Variants in APEX2 observed in about 807,000 individuals in gnomAD.
APEX2 encodes DNA-(apurinic or apyrimidinic site) endonuclease 2.
A neutral mutation model predicts 16.7 loss-of-function variants in APEX2; 4 were observed. The ratio of observed to expected loss-of-function variants is 0.24; its 90% CI spans 0.12 to 0.55. The LOEUF (loss-of-function observed/expected upper bound fraction) is 0.55. APEX2 is among the 20% of genes least tolerant of loss of function. APEX2 has a pLI of 0.94. For missense variants in APEX2, 357 were observed against 433.6 expected, an observed-to-expected ratio of 0.82 and a Z score of 1.57; for synonymous variants, 181 against 166.9, an observed-to-expected ratio of 1.08 and a Z score of -0.65.
chrX:55,006,294 A>G (rs1035918048), intron 5 of APEX2, among the ~76,000 whole-genome samples: 6 of 111,340 alleles, frequency 5.4e-5, no homozygotes, highest in African/African-American at 2.0e-4. Flanking sequence ...AGACAAATGC[A>G]AGCTCGTGCA....
intron 1 of APEX2, among the ~76,000 whole-genome samples, chrX:55,001,153 CA>C (rs1175520606): frequency 2.8e-5 from 3 of 108,993 alleles, no homozygotes; most frequent in African/African-American, 1.0e-4. Flanking sequence ...CCTCCACCCC[CA>C]GTTCAGATCC....
chrX:55,004,307 G>C (rs1002478846), intron 5 of APEX2, among the ~76,000 whole-genome samples: 4 of 112,792 alleles, frequency 3.5e-5, no homozygotes, highest in Admixed American at 1.9e-4. Flanking sequence ...GAGCTTTGAA[G>C]TAGAAAGCAT....
chrX:55,002,100 A>T, intron 2 of APEX2, 151 bp from the exon 3 acceptor site: 1 of 512,798 alleles, frequency 2.0e-6, no homozygotes, highest in Non-Finnish European at 3.1e-6. Flanking sequence ...AGATGTAGGA[A>T]CTGAGACTCC....
chrX:55,001,548 G>T lies in APEX2; in HGVS notation c.160G>T (p.Asp54Tyr). The T allele has an allele frequency of 8.3e-7, 1 of 1,199,197 alleles. No homozygotes were observed. The highest frequency in any genetic ancestry group is 1.1e-6 in the Non-Finnish European group (1 of 889,223). Residue 54 changes from aspartate (D) to tyrosine (Y), a missense_variant and splice_region_variant, in exon 2 of 6, where the codon GAT (aspartate) becomes TAT (tyrosine). By Grantham distance (160) the Asp-to-Tyr change is radical. Transcript: ENST00000374987. ...VCLQETKVTR[D>Y]ALTEPLAIVE... is the part of the protein sequence containing the mutation. Reference sequence around the variant, plus strand: ...AATCTTACATTTTTTTTTTCCAGGGGATGCACTGACAGAGCCCCTGGCTAT... The same window carrying T: ...AATCTTACATTTTTTTTTTCCAGGGTATGCACTGACAGAGCCCCTGGCTAT...
At position 55,007,655 on chromosome X, in the gene APEX2, C is replaced by A; in HGVS notation, c.*220C>A. The A allele has an allele frequency of 8.6e-6, 3 of 348,032 alleles. No individual in the cohort carries two copies. In the East Asian group the frequency reaches 1.3e-4, roughly 15 times the overall value. 28.7% of individuals were successfully genotyped at this position (348,032 alleles called of 1,213,427 possible). A position where few individuals can be genotyped will look rare whatever the true frequency, so the allele number is the denominator to read the frequency against. ...CCCAGCCCCTTACACCACTTTCCAC[C>A]TTCCTGTCCGAAGTACACGGACACT... is the stretch of plus-strand genomic sequence containing the variant. On this transcript the variant is annotated 3_prime_UTR_variant, in exon 6 of 6. Coordinates refer to ENST00000374987, the MANE Select transcript of APEX2 (RefSeq NM_014481.4).
At chrX:55,002,131 C>G in intron 2 of APEX2, 120 bp from the exon 3 acceptor site, 2 of 753,552 alleles carry the variant, frequency 2.7e-6, no homozygotes, top group South Asian at 6.9e-5. Context: ...TAAGGTTGCC[C>G]AAGAACCACA....
chrX:55,009,023 T>G lies in APEX2; in HGVS notation c.*1588T>G. On this transcript the variant is annotated 3_prime_UTR_variant, in exon 6 of 6. Transcript: ENST00000374987. ...TTGTCTGAGGGAGTCAGAATGCACT[T>G]GTCTGTTCCCTGTCCAATAAAAGGC... 1 of 696,412 alleles carries G rather than the reference T, an allele frequency of 1.4e-6. No homozygotes were observed. Among genetic ancestry groups the G allele is most frequent in the Non-Finnish European group, 2.1e-6 (1 of 466,784 alleles). 57.4% of individuals were successfully genotyped at this position (696,412 alleles called of 1,213,427 possible).
chrX:55,005,462 C>T (rs776396026), intron 5 of APEX2, among the ~76,000 whole-genome samples: 45 of 112,077 alleles, frequency 4.0e-4, no homozygotes, highest in Non-Finnish European at 6.0e-4. Context: ...TTAGTCTTGT[C>T]ATTTCTGTAA....
chrX:55,002,458 G>A (rs375372430), intron 3 of APEX2, 27 bp downstream of exon 3: 234 of 1,151,614 alleles, frequency 2.0e-4, no homozygotes, highest in Non-Finnish European at 2.6e-4. Flanking sequence ...CCCTGCTACT[G>A]AGCACTGCTG....
At position 55,000,487 on chromosome X, in the gene APEX2, A is replaced by T; in HGVS notation, c.65A>T (p.Gln22Leu). The change falls in exon 1 of 6, where the codon CAG becomes CTG. Residue 22 changes from glutamine to leucine, a missense_variant. Coordinates refer to ENST00000374987, the MANE Select transcript of APEX2 (RefSeq NM_014481.4). ...AGACCCCTGCAAGGGGTGGCAAATC[A>T]GGAACCCAGCAACTGTGCCGCCGTG... ...IRRPLQGVAN[Q>L]EPSNCAAVAV... The T allele has an allele frequency of 8.3e-7, 1 of 1,207,478 alleles. No individual in the cohort carries two copies. Among genetic ancestry groups the T allele is most frequent in the Non-Finnish European group, 1.1e-6 (1 of 893,198 alleles).
chrX:55,006,971 G>T lies in APEX2; in HGVS notation c.1093G>T (p.Val365Leu), dbSNP rs750947056. 3 of 1,211,749 alleles carry T rather than the reference G, an allele frequency of 2.5e-6. No homozygotes were observed. Among genetic ancestry groups the T allele is most frequent in the Non-Finnish European group, 3.4e-6 (3 of 895,491 alleles). The change falls in exon 6 of 6, where the codon GTA (valine) becomes TTA (leucine). Residue 365 changes from valine (V) to leucine (L), a missense_variant. Val to Leu is a conservative substitution (Grantham distance 32). Transcript: ENST00000374987. ...GCTGCAGCACAACAATCAAACCCGGGTACAGACATGCCAAAACAAAGCCCA... is the reference window on the plus strand; with the variant it reads ...GCTGCAGCACAACAATCAAACCCGGTTACAGACATGCCAAAACAAAGCCCA... Reference protein sequence around the residue: ...STLQHNNQTRVQTCQNKAQVR... With the variant: ...STLQHNNQTRLQTCQNKAQVR...
At chrX:55,004,174 C>T (rs932159775) in intron 5 of APEX2, among the ~76,000 whole-genome samples, 2 of 112,473 alleles carry the variant, frequency 1.8e-5, no homozygotes, top group Non-Finnish European at 3.8e-5. Flanking sequence ...ATGGTATTCT[C>T]AGGGCAGAGG....
intron 2 of APEX2, 45 bp from the exon 3 acceptor site, chrX:55,002,206 G>A (rs778935094): frequency 4.5e-5 from 50 of 1,104,479 alleles, no homozygotes; most frequent in Non-Finnish European, 5.9e-5. Context: ...TGTGCAACAG[G>A]CTATTGACTG....
chrX:55,001,282 C>T (rs1409365105), intron 1 of APEX2, among the ~76,000 whole-genome samples: 1 of 110,410 alleles, frequency 9.1e-6, no homozygotes, highest in Non-Finnish European at 1.9e-5. Flanking sequence ...AGCTCTGATT[C>T]TTTCCCCTTC....
chrX:55,000,380 C>T lies in APEX2; in HGVS notation c.-43C>T. 9.0e-7 allele frequency: 1 copy of T among 1,115,548 alleles called. No homozygotes were observed. Among genetic ancestry groups the T allele is most frequent in the Non-Finnish European group, 1.2e-6 (1 of 847,537 alleles). 91.9% of individuals were successfully genotyped at this position (1,115,548 alleles called of 1,213,427 possible). On this transcript the variant is annotated 5_prime_UTR_variant, in exon 1 of 6. Coordinates refer to ENST00000374987, the MANE Select transcript of APEX2 (RefSeq NM_014481.4). ...TTCTGAACAGGAAGCAGTTCGCTCG[C>T]GCCTAGGTTGGCGCGGGCTGGGAGG...
rs1484457131 is a variant in APEX2 at position 55,007,595 on chromosome X, CT to C, written c.*162del. On this transcript the variant is annotated 3_prime_UTR_variant, in exon 6 of 6. Transcript: ENST00000374987. ...CCTCGCTTTCCTTCCTACCTAGCTC[CT>C]TGTTGGTGAGCTTCTTGTGCCTTAA... 1 of 587,225 alleles carries C rather than the reference CT, an allele frequency of 1.7e-6. No homozygotes were observed. The highest frequency in any genetic ancestry group is 2.5e-6 in the Non-Finnish European group (1 of 402,028). The allele number at this position is 587,225 out of a possible 1,213,427, so 48.4% of individuals were successfully genotyped here.
intron 4 of APEX2, 71 bp from the exon 5 acceptor site, chrX:55,003,728 G>C (rs1483586133): frequency 6.7e-6 from 7 of 1,045,950 alleles, no homozygotes; most frequent in Non-Finnish European, 9.3e-6. Context: ...CTGAGCTCTT[G>C]GGCCCAGGAA....
intron 5 of APEX2, among the ~76,000 whole-genome samples, chrX:55,004,590 G>T (rs777807940): frequency 9.0e-6 from 1 of 111,639 alleles, no homozygotes; most frequent in East Asian, 2.8e-4. Context: ...GGCTCTCCTT[G>T]GTCTGTGACC....
chrX:55,003,204 C>T lies in APEX2; in HGVS notation c.569+96C>T. 5.8e-6 allele frequency: 6 copies of T among 1,028,955 alleles called. No individual in the cohort carries two copies. In the East Asian group the frequency reaches 1.6e-4, roughly 27 times the overall value. The allele number at this position is 1,028,955 out of a possible 1,213,427, so 84.8% of individuals were successfully genotyped here. A position where few individuals can be genotyped will look rare whatever the true frequency, so the allele number is the denominator to read the frequency against. ...TGAAAGGGATATGGACCCTTTGTCT[C>T]TGAGTTCTTTCACAGCATAGTTGCA... On this transcript the variant is annotated intron_variant, in intron 4 of 5. Transcript: ENST00000374987.
Sources: gnomAD v4.1 joint callset for allele counts (sites outside exome capture counted in the v4.1 genomes callset) on GRCh38, gnomAD v4.1.1 for gene constraint, MANE v1.5 for transcripts, NCBI Gene and HGNC (gene_info 2026-07-23, HGNC 2026-07-21) for gene names.